Variants in RUNX1 observed in about 807,000 individuals in gnomAD.
RUNX1 encodes the protein runt-related transcription factor 1.
In RUNX1, 19 loss-of-function variants were observed where a neutral mutation model predicts 42.8. The observed-to-expected ratio is 0.44, with a 90% CI of 0.31 to 0.65. RUNX1 has a LOEUF of 0.65. Ranked by LOEUF, RUNX1 falls within the 30% of genes least tolerant of loss-of-function variation. The pLI is 0.07. For missense variants in RUNX1, 528 were observed against 672.0 expected (o/e 0.79, Z 2.37); for synonymous variants, 271 against 289.4 (o/e 0.94, Z 0.64).
At chr21:34,886,558 G>A (rs2146404375) in intron 4 of RUNX1, among the ~76,000 whole-genome samples, 1 of 152,340 alleles carries the variant, frequency 6.6e-6, no homozygotes, top group East Asian at 1.9e-4. Context: ...CAAAGCTAAG[G>A]CCCCTGCCAG....
Position 34,887,707 on chromosome 21 carries a change from T to C in RUNX1, c.98-611A>G, listed in dbSNP as rs539087833. On this transcript the variant is annotated intron_variant, in intron 3 of 8. Transcript: ENST00000675419. ...ATGTATGTGCACGTATATATAAATA[T>C]ATACATATGCTCTACTTCATAAAAT... The C allele has an allele frequency of 6.5e-5, 69 of 1,061,900 alleles. 1 individual carries two copies. The highest frequency in any genetic ancestry group is 8.5e-4 in the Middle Eastern group (2 of 2,362). The allele number at this position is 1,061,900 out of a possible 1,614,324, so 65.8% of individuals were successfully genotyped here. A position where few individuals can be genotyped will look rare whatever the true frequency, so the allele number is the denominator to read the frequency against.
intron 5 of RUNX1, among the ~76,000 whole-genome samples, chr21:34,861,673 A>T (rs752422988): frequency 2.0e-5 from 3 of 152,108 alleles, no homozygotes; most frequent in Non-Finnish European, 4.4e-5. Flanking sequence ...CATGGCATTG[A>T]GATGCTGAGG....
chr21:34,839,031 C>G lies in RUNX1; in HGVS notation c.614-4430G>C, dbSNP rs1601424408. Among the ~76,000 whole-genome samples the G allele has an allele frequency of 5.3e-5, 8 of 152,122 alleles. No homozygotes were observed. In the South Asian group the frequency reaches 1.7e-3, roughly 32 times the overall value. On this transcript the variant is annotated intron_variant, in intron 6 of 8. Transcript: ENST00000675419. The stretch of plus-strand genomic sequence containing the variant: ...ACGTAACTATGGGTAGCCTCACTTT[C>G]CCCCACCCCAATTTCTTCTCATATC...
At chr21:34,951,318 TG>T (rs992842717) in intron 2 of RUNX1, among the ~76,000 whole-genome samples, 3 of 152,236 alleles carry the variant, frequency 2.0e-5, no homozygotes, top group Non-Finnish European at 4.4e-5. Flanking sequence ...ATAATTCTTT[TG>T]AATAGGATAA....
rs1253720175 is a variant in RUNX1 at position 34,880,655 on chromosome 21, T to A, written c.410A>T (p.Asp137Val). 1 of 1,614,130 alleles carries A rather than the reference T, an allele frequency of 6.2e-7. No homozygotes were observed. Residue 137 changes from aspartate (D) to valine (V), a missense_variant, in exon 5 of 9, where the codon GAT becomes GTT. Coordinates refer to ENST00000675419, the MANE Select transcript of RUNX1 (RefSeq NM_001754.5). ...TCTCAGCTCAGCCGAGTAGTTTTCA[T>A]CATTGCCAGCCATCACAGTGACCAG... ...GTLVTVMAGN[D>V]ENYSAELRNA...
intron 2 of RUNX1, among the ~76,000 whole-genome samples, chr21:34,951,962 G>A (rs187723277): frequency 6.6e-6 from 1 of 152,280 alleles, no homozygotes; most frequent in East Asian, 1.9e-4. Flanking sequence ...CAACAGCAAA[G>A]ACTTGGAACC....
At chr21:34,883,111 A>T (rs2057930333) in intron 4 of RUNX1, among the ~76,000 whole-genome samples, 1 of 152,216 alleles carries the variant, frequency 6.6e-6, no homozygotes, top group Admixed American at 6.5e-5. Flanking sequence ...CCTCATTGGT[A>T]ATTTGGCAAA....
At chr21:35,012,813 C>T (rs1433369171) in intron 2 of RUNX1, among the ~76,000 whole-genome samples, 1 of 151,966 alleles carries the variant, frequency 6.6e-6, no homozygotes, top group African/African-American at 2.4e-5. Flanking sequence ...CCTTTAGATA[C>T]TCTAAAGTAG....
chr21:34,954,914 T>C (rs1225947027), intron 2 of RUNX1, among the ~76,000 whole-genome samples: 1 of 152,206 alleles, frequency 6.6e-6, no homozygotes, highest in Admixed American at 6.5e-5. Flanking sequence ...ATTTTGACAT[T>C]ACTTCTTGGC....
chr21:34,936,711 G>A (rs567979016), intron 2 of RUNX1, among the ~76,000 whole-genome samples: 51 of 152,310 alleles, frequency 3.3e-4, no homozygotes, highest in Non-Finnish European at 6.6e-4. Context: ...GAGACCCCAT[G>A]GGTGCAGTCT....
intron 2 of RUNX1, among the ~76,000 whole-genome samples, chr21:34,908,256 A>C (rs114527641): frequency 0.011 from 1,634 of 152,318 alleles, 28 homozygotes; most frequent in African/African-American, 0.037. Flanking sequence ...ATTCTCAAGA[A>C]ATAATGCAAT....
At chr21:34,885,939 T>C (rs904977551) in intron 4 of RUNX1, among the ~76,000 whole-genome samples, 2 of 152,224 alleles carry the variant, frequency 1.3e-5, no homozygotes, top group African/African-American at 4.8e-5. Flanking sequence ...GGTGATTGTT[T>C]AGAAACGCCT....
At chr21:34,842,728 G>A (rs1601432347) in intron 6 of RUNX1, among the ~76,000 whole-genome samples, 1 of 151,454 alleles carries the variant, frequency 6.6e-6, no homozygotes, top group Admixed American at 6.6e-5. Context: ...CACACATACA[G>A]ACATGCATGG....
chr21:34,958,453 T>C (rs2058660761), intron 2 of RUNX1, among the ~76,000 whole-genome samples: 1 of 152,154 alleles, frequency 6.6e-6, no homozygotes, highest in African/African-American at 2.4e-5. Flanking sequence ...GAAAAAATGC[T>C]CATCATCACT....
At chr21:35,005,528 T>C (rs1195085882) in intron 2 of RUNX1, among the ~76,000 whole-genome samples, 1 of 152,152 alleles carries the variant, frequency 6.6e-6, no homozygotes, top group African/African-American at 2.4e-5. Flanking sequence ...CTATCAGTTT[T>C]CCAGACATAC....
intron 5 of RUNX1, among the ~76,000 whole-genome samples, chr21:34,862,514 G>T (rs2057591635): frequency 6.6e-6 from 1 of 152,090 alleles, no homozygotes; most frequent in Non-Finnish European, 1.5e-5. Context: ...GTGGCAGCAG[G>T]GCCACACTCC....
At chr21:34,857,910 G>C (rs745612569) in intron 6 of RUNX1, among the ~76,000 whole-genome samples, 1 of 152,206 alleles carries the variant, frequency 6.6e-6, no homozygotes, top group Non-Finnish European at 1.5e-5. Flanking sequence ...TCATAAAGAA[G>C]AATCAGGGTC....
At chr21:35,043,887 C>T (rs1053215924) in intron 2 of RUNX1, among the ~76,000 whole-genome samples, 5 of 152,112 alleles carry the variant, frequency 3.3e-5, no homozygotes, top group African/African-American at 1.2e-4. Context: ...CTCTCAGAGG[C>T]CCAGAGAACC....
chr21:34,800,075 A>G (rs1441488568), intron 7 of RUNX1, among the ~76,000 whole-genome samples: 5 of 152,330 alleles, frequency 3.3e-5, no homozygotes, highest in African/African-American at 1.2e-4. Flanking sequence ...CAGCAGTAGA[A>G]CTGGCCCTAT....
Sources: gnomAD v4.1 joint callset for allele counts (sites outside exome capture counted in the v4.1 genomes callset) on GRCh38, gnomAD v4.1.1 for gene constraint, MANE v1.5 for transcripts, NCBI Gene and HGNC (gene_info 2026-07-23, HGNC 2026-07-21) for gene names.